Variants in SLIT1 observed in about 807,000 individuals in gnomAD.
SLIT1 encodes slit homolog 1 protein.
A neutral mutation model predicts 186.1 loss-of-function variants in SLIT1; 66 were observed. The ratio of observed to expected loss-of-function variants is 0.35; its 90% CI spans 0.29 to 0.44. The LOEUF is 0.44. SLIT1 is among the 20% of genes least tolerant of loss of function. SLIT1 has a pLI of 1.00. For synonymous variants in SLIT1, 761 were observed against 833.8 expected (o/e 0.91, Z 1.50); for missense variants, 1,638 against 2,037.4 (o/e 0.80, Z 3.77).
At chr10:97,185,178 G>C (rs1228209494) in intron 1 of SLIT1, among the ~76,000 whole-genome samples, 2 of 152,264 alleles carry the variant, frequency 1.3e-5, no homozygotes, top group Admixed American at 6.5e-5. Flanking sequence ...AGGCACCCTG[G>C]AGGAATAAAG....
At chr10:97,124,894 G>A (rs1263666639) in intron 4 of SLIT1, among the ~76,000 whole-genome samples, 2 of 152,168 alleles carry the variant, frequency 1.3e-5, no homozygotes, top group Non-Finnish European at 2.9e-5. Context: ...ATAAAATGAA[G>A]ATGGAATAGA....
Position 97,088,746 on chromosome 10 carries a change from G to A in SLIT1, c.414-22660C>T, listed in dbSNP as rs146251354. ...CAAAAGAAAGGGGAGTGAGTGAGGGGAGCACCTTCAGAAGCCAGGAACCAG... is the reference window on the plus strand; with the variant it reads ...CAAAAGAAAGGGGAGTGAGTGAGGGAAGCACCTTCAGAAGCCAGGAACCAG... On this transcript the variant is annotated intron_variant, in intron 4 of 36. Transcript: ENST00000266058. Among the ~76,000 whole-genome samples the A allele has an allele frequency of 1.6e-4, 25 of 152,276 alleles. No homozygotes were observed. In the East Asian group the frequency reaches 4.2e-3, roughly 26 times the overall value.
chr10:97,069,221 A>G (rs1314366374), intron 4 of SLIT1, among the ~76,000 whole-genome samples: 1 of 152,238 alleles, frequency 6.6e-6, no homozygotes, highest in African/African-American at 2.4e-5. Context: ...TGGTCATGCG[A>G]GTTCCTCAGT....
chr10:97,179,450 T>G (rs1430436181), intron 1 of SLIT1, among the ~76,000 whole-genome samples: 1 of 151,956 alleles, frequency 6.6e-6, no homozygotes, highest in Non-Finnish European at 1.5e-5. Flanking sequence ...CATCTTAACT[T>G]CACAGCCCTA....
chr10:97,164,728 G>T (rs1347805662), intron 2 of SLIT1, 91 bp downstream of exon 2: 5 of 962,572 alleles, frequency 5.2e-6, no homozygotes, highest in African/African-American at 1.6e-5. Flanking sequence ...GGCCCAGACA[G>T]CCCACCACCC....
chr10:97,006,972 G>T lies in SLIT1; in HGVS notation c.3342-252C>A, dbSNP rs1231062295. ...TAGAAATGGCAAACCCACTGAATCT[G>T]CTTTTTAACAAGATCCAAGGTGATT... On this transcript the variant is annotated intron_variant, in intron 31 of 36. Transcript: ENST00000266058. This position sits in a 1 kb window ranked among gnomAD's most constrained non-coding sequence, Gnocchi z 4.0. Among the ~76,000 whole-genome samples, 2 of 152,180 alleles carry T rather than the reference G, an allele frequency of 1.3e-5. No homozygotes were observed. The highest frequency in any genetic ancestry group is 3.8e-4 in the East Asian group (2 of 5,206).
Position 97,006,466 on chromosome 10 carries a change from A to T in SLIT1, c.3579+17T>A. 2 of 1,592,590 alleles carry T rather than the reference A, an allele frequency of 1.3e-6. No homozygotes were observed. Among genetic ancestry groups the T allele is most frequent in the Non-Finnish European group, 1.7e-6 (2 of 1,160,888 alleles). On this transcript the variant is annotated intron_variant, in intron 32 of 36. Transcript: ENST00000266058. The surrounding 1 kb of genome is among the most constrained non-coding windows in gnomAD (Gnocchi z 4.0). The stretch of plus-strand genomic sequence containing the variant: ...GCTCCCTGACTCCCCTCTGTGACCA[A>T]GCCCCCTGGCACGCACCTGCAACGT...
intron 24 of SLIT1, 109 bp downstream of exon 24, chr10:97,031,497 C>T: frequency 1.2e-6 from 1 of 812,004 alleles, no homozygotes; most frequent in Non-Finnish European, 2.0e-6. Context: ...TGGACTCCAC[C>T]ATGGCACAGC....
intron 20 of SLIT1, 68 bp from the exon 21 acceptor site, chr10:97,040,188 G>C (rs1473722548): frequency 1.4e-6 from 2 of 1,443,460 alleles, no homozygotes; most frequent in Non-Finnish European, 1.8e-6. Context: ...CCTACAGTCA[G>C]GGCCATGCTC....
Position 97,046,812 on chromosome 10 carries a change from G to C in SLIT1, c.1710-15C>G, listed in dbSNP as rs185690776. 2.3e-5 allele frequency: 37 copies of C among 1,609,248 alleles called. No individual in the cohort carries two copies. The highest frequency in any genetic ancestry group is 8.9e-5 in the East Asian group (4 of 44,866). On this transcript the variant is annotated splice_polypyrimidine_tract_variant and intron_variant, in intron 17 of 36. Coordinates refer to ENST00000266058, the MANE Select transcript of SLIT1 (RefSeq NM_003061.3). ...TGCTCAGATTGCTGGGAGAAGAGGC[G>C]GGGGGAGGATTACATATGGCCAGCA...
intron 2 of SLIT1, among the ~76,000 whole-genome samples, chr10:97,163,973 T>C (rs576586618): frequency 4.6e-5 from 7 of 152,232 alleles, no homozygotes; most frequent in Non-Finnish European, 7.4e-5. Context: ...CACTCTACAA[T>C]TGGCAGACAA....
intron 1 of SLIT1, 120 bp downstream of exon 1, chr10:97,185,358 T>C (rs1850397301): frequency 1.0e-6 from 1 of 972,606 alleles, no homozygotes; most frequent in Non-Finnish European, 1.5e-6. Flanking sequence ...CTGACCCGTC[T>C]GTGGGCTGCG....
intron 4 of SLIT1, among the ~76,000 whole-genome samples, chr10:97,124,830 G>A (rs759750705): frequency 3.3e-5 from 5 of 152,168 alleles, no homozygotes; most frequent in South Asian, 2.1e-4. Flanking sequence ...CCACTTACCC[G>A]CTGTGCGACC....
In SLIT1 at chr10:97,146,001, A is replaced by G. The variant is rs1849813538; in HGVS notation, c.413+11817T>C. Among the ~76,000 whole-genome samples, 4 of 152,178 alleles carry G rather than the reference A, an allele frequency of 2.6e-5. No individual in the cohort carries two copies. The South Asian group carries it at 8.3e-4, about 31-fold the overall frequency. Reference sequence around the variant, plus strand: ...CCAAACCCAACATTTGAAAGATCTGAGCTATTATATTGGTTAATAATGTAT... The same window carrying G: ...CCAAACCCAACATTTGAAAGATCTGGGCTATTATATTGGTTAATAATGTAT... On this transcript the variant is annotated intron_variant, in intron 4 of 36. Coordinates refer to ENST00000266058, the MANE Select transcript of SLIT1 (RefSeq NM_003061.3).
rs2134754437 is a variant in SLIT1, at chr10:97,185,894, T to C, written c.-220A>G. ...CCTTGGGCGGAGGGGGCTCGGCTCC[T>C]CTGCCGTTTCGCCGCCTGCGTCTCC... On this transcript the variant is annotated 5_prime_UTR_variant, in exon 1 of 37. Coordinates refer to ENST00000266058, the MANE Select transcript of SLIT1 (RefSeq NM_003061.3). The C allele has an allele frequency of 2.0e-6, 1 of 494,808 alleles. No individual in the cohort carries two copies. The highest frequency in any genetic ancestry group is 2.0e-5 in the African/African-American group (1 of 48,800). 30.7% of individuals were successfully genotyped at this position (494,808 alleles called of 1,614,324 possible). A position where few individuals can be genotyped will look rare whatever the true frequency, so the allele number is the denominator to read the frequency against.
intron 4 of SLIT1, among the ~76,000 whole-genome samples, chr10:97,098,386 G>A (rs993215653): frequency 6.6e-6 from 1 of 152,228 alleles, no homozygotes; most frequent in Admixed American, 6.5e-5. Flanking sequence ...GCAGAGAGGG[G>A]CAGGGGCCAG....
intron 4 of SLIT1, among the ~76,000 whole-genome samples, chr10:97,126,176 G>A (rs989119999): frequency 3.3e-5 from 5 of 152,216 alleles, no homozygotes; most frequent in African/African-American, 1.2e-4. Flanking sequence ...ACTTTCCGAT[G>A]TGAAGGTTCT....
Position 97,063,473 on chromosome 10 carries a change from T to G in SLIT1, c.775A>C (p.Ser259Arg). The change falls in exon 8 of 37, where the codon AGT (serine) becomes CGT (arginine). Residue 259 changes from serine (S) to arginine (R), a missense_variant. By Grantham distance (110) the Ser-to-Arg change is moderately radical. Coordinates refer to ENST00000266058, the MANE Select transcript of SLIT1 (RefSeq NM_003061.3). ...RGLNVAEVQK[S>R]EFSCSGQGEA... is the part of the protein sequence containing the mutation. Reference sequence around the variant, plus strand: ...CACCCACCTGAGCAGCTGAACTCACTCTTCTGGACCTCTGCCACATTGAGG... The same window carrying G: ...CACCCACCTGAGCAGCTGAACTCACGCTTCTGGACCTCTGCCACATTGAGG... The G allele has an allele frequency of 2.5e-6, 4 of 1,612,754 alleles. 1 individual carries two copies. The highest frequency in any genetic ancestry group is 2.2e-5 in the South Asian group (2 of 91,024).
Position 97,056,394 on chromosome 10 carries a change from G to A in SLIT1, c.1228C>T (p.Leu410Phe), listed in dbSNP as rs758339946. ...AFQDLQNLSL[L>F]SLYDNKIQSL... ...TGGATCTTGTTGTCATACAGGGAGAGCAGTGAGAGGTTCTGCAGGTCCTGG... is the reference window on the plus strand; with the variant it reads ...TGGATCTTGTTGTCATACAGGGAGAACAGTGAGAGGTTCTGCAGGTCCTGG... The change falls in exon 13 of 37, where the codon CTC becomes TTC. Residue 410 changes from leucine (L) to phenylalanine (F), a missense_variant. Coordinates refer to ENST00000266058, the MANE Select transcript of SLIT1 (RefSeq NM_003061.3). The A allele has an allele frequency of 1.2e-6, 2 of 1,614,174 alleles. No individual in the cohort carries two copies. Among genetic ancestry groups the A allele is most frequent in the Non-Finnish European group, 8.5e-7 (1 of 1,179,988 alleles).
Sources: allele counts gnomAD v4.1 joint callset (sites outside exome capture counted in the v4.1 genomes callset), GRCh38; gene constraint gnomAD v4.1.1; non-coding constraint Gnocchi (gnomAD v3.1); transcripts MANE v1.5; gene names NCBI Gene and HGNC (gene_info 2026-07-23, HGNC 2026-07-21).